Variants in MEIS2 observed in about 807,000 individuals in gnomAD.
The protein encoded by MEIS2 is Meis homeobox 2, also known as homeobox protein Meis2.
In MEIS2, 9 loss-of-function variants were observed where a neutral mutation model predicts 58.6. The ratio of observed to expected loss-of-function variants is 0.15; its 90% CI spans 0.09 to 0.27. The LOEUF (loss-of-function observed/expected upper bound fraction) is 0.27, where lower values mean the gene tolerates loss of function less well. Ranked by LOEUF, MEIS2 falls within the 10% of genes least tolerant of loss-of-function variation. MEIS2 has a pLI of 1.00. For synonymous variants in MEIS2, 221 were observed against 228.4 expected (o/e 0.97, Z 0.29); for missense variants, 427 against 635.0 (o/e 0.67, Z 3.52).
chr15:37,045,032 C>T (rs1251329565), intron 7 of MEIS2, among the ~76,000 whole-genome samples: 1 of 152,194 alleles, frequency 6.6e-6, no homozygotes, highest in Non-Finnish European at 1.5e-5. Context: ...TCCCTCCACT[C>T]TCCCTGCCCT....
At chr15:37,005,963 A>G (rs1037853389) in intron 8 of MEIS2, among the ~76,000 whole-genome samples, 4 of 152,234 alleles carry the variant, frequency 2.6e-5, no homozygotes, top group African/African-American at 7.2e-5. Context: ...TGAATCTATT[A>G]CACATCTCTC....
chr15:36,996,001 A>ATATATGTGTG (rs1555446465), intron 8 of MEIS2, among the ~76,000 whole-genome samples: 20 of 102,890 alleles, frequency 1.9e-4, no homozygotes, highest in African/African-American at 6.5e-4. Context: ...ATATATATAT[A>ATATATGTGTG]TGTATATATA....
At chr15:36,918,235 AG>A (rs2057360062) in intron 9 of MEIS2, among the ~76,000 whole-genome samples, 1 of 152,222 alleles carries the variant, frequency 6.6e-6, no homozygotes, top group Non-Finnish European at 1.5e-5. Flanking sequence ...GTGTGATGAA[AG>A]AGGCAGCACA....
At chr15:36,901,124 G>A (rs2056448529) in intron 9 of MEIS2, 1 of 152,220 alleles carries the variant, frequency 6.6e-6, no homozygotes, top group South Asian at 2.1e-4. Context: ...AGATCAACTG[G>A]GGAAAGGCGT....
chr15:36,941,542 C>T (rs2058375162), intron 9 of MEIS2, among the ~76,000 whole-genome samples: 1 of 152,048 alleles, frequency 6.6e-6, no homozygotes, highest in Non-Finnish European at 1.5e-5. Flanking sequence ...TTTAGAAAAC[C>T]ATGTGCAGAG....
intron 8 of MEIS2, among the ~76,000 whole-genome samples, chr15:37,028,115 T>C (rs1183944892): frequency 1.3e-5 from 2 of 152,228 alleles, no homozygotes; most frequent in African/African-American, 4.8e-5. Flanking sequence ...TTAAAATGTA[T>C]CTGCCAGTTA....
At chr15:36,923,845 C>G (rs1404761791) in intron 9 of MEIS2, among the ~76,000 whole-genome samples, 1 of 152,184 alleles carries the variant, frequency 6.6e-6, no homozygotes, top group Admixed American at 6.5e-5. Flanking sequence ...AACAGCAAGC[C>G]ATGCCATGTC....
intron 11 of MEIS2, among the ~76,000 whole-genome samples, chr15:36,893,751 T>C (rs568080385): frequency 8.3e-4 from 127 of 152,318 alleles, no homozygotes; most frequent in South Asian, 1.5e-3. Flanking sequence ...TTGACTGCAT[T>C]AGTAAAGGAA....
At chr15:37,082,559 T>G (rs1158644829) in intron 7 of MEIS2, among the ~76,000 whole-genome samples, 3 of 152,162 alleles carry the variant, frequency 2.0e-5, no homozygotes, top group African/African-American at 7.2e-5. Context: ...ATAATTTACT[T>G]ATCTTTTATA....
chr15:36,938,723 CA>C (rs1227621433), intron 9 of MEIS2, among the ~76,000 whole-genome samples: 2 of 152,106 alleles, frequency 1.3e-5, no homozygotes, highest in Admixed American at 1.3e-4. Context: ...GGCTTAGAAT[CA>C]TAAAATATTA....
In MEIS2 at chr15:36,919,098, G is replaced by A. The variant is rs549120852; in HGVS notation, c.978-22412C>T. Among the ~76,000 whole-genome samples, 44 of 152,080 alleles carry A rather than the reference G, an allele frequency of 2.9e-4. No homozygotes were observed. The South Asian group carries it at 8.7e-3, about 30-fold the overall frequency. ...TGCAGACTGAGGTGGGAAAAATCAC[G>A]TGATCCTAGGAGTTTGAGGCTGCAG... On this transcript the variant is annotated intron_variant, in intron 9 of 11. Transcript: ENST00000561208.
Position 37,083,830 on chromosome 15 carries a change from G to A in MEIS2, c.695C>T (p.Thr232Ile). ...ATGGCCCCCACTGGAGGGCCCTGGGGTGCCTGCTGAGTGGGTTGAGGTTGC... is the reference window on the plus strand; with the variant it reads ...ATGGCCCCCACTGGAGGGCCCTGGGATGCCTGCTGAGTGGGTTGAGGTTGC... ...DDATSTHSAGTPGPSSGGHAS... is the reference protein window; with the variant it reads ...DDATSTHSAGIPGPSSGGHAS... Residue 232 changes from threonine to isoleucine, a missense_variant, in exon 7 of 12, where the codon ACC becomes ATC. Thr to Ile is a moderately conservative substitution (Grantham distance 89). Coordinates refer to ENST00000561208, the MANE Select transcript of MEIS2 (RefSeq NM_170675.5). The A allele has an allele frequency of 6.2e-7, 1 of 1,614,072 alleles. No homozygotes were observed. The highest frequency in any genetic ancestry group is 8.5e-7 in the Non-Finnish European group (1 of 1,179,978).
chr15:36,966,769 C>T (rs1260383400), intron 8 of MEIS2, among the ~76,000 whole-genome samples: 1 of 152,082 alleles, frequency 6.6e-6, no homozygotes, highest in Non-Finnish European at 1.5e-5. Flanking sequence ...TGAAGACAAA[C>T]AAGGCACTAT....
chr15:36,932,212 T>A (rs546416272), intron 9 of MEIS2, among the ~76,000 whole-genome samples: 1 of 152,336 alleles, frequency 6.6e-6, no homozygotes, highest in East Asian at 1.9e-4. Flanking sequence ...TGTTGGGTGG[T>A]GCCATTCAAT....
chr15:37,053,957 A>C (rs2063028804), intron 7 of MEIS2, among the ~76,000 whole-genome samples: 1 of 152,214 alleles, frequency 6.6e-6, no homozygotes, highest in East Asian at 1.9e-4. Flanking sequence ...TGATTACCAC[A>C]ACCAAGTGTA....
At chr15:36,986,392 C>T (rs1486715529) in intron 8 of MEIS2, among the ~76,000 whole-genome samples, 1 of 152,186 alleles carries the variant, frequency 6.6e-6, no homozygotes, top group Non-Finnish European at 1.5e-5. Flanking sequence ...TTAGGGAGCA[C>T]TAGAGGAAGA....
chr15:37,005,988 T>C (rs901532474), intron 8 of MEIS2, among the ~76,000 whole-genome samples: 1 of 152,162 alleles, frequency 6.6e-6, no homozygotes, highest in Non-Finnish European at 1.5e-5. Context: ...AAATGGGGGG[T>C]TCTGTAAAGC....
At chr15:37,043,629 T>C (rs1378695722) in intron 7 of MEIS2, among the ~76,000 whole-genome samples, 1 of 152,020 alleles carries the variant, frequency 6.6e-6, no homozygotes, top group African/African-American at 2.4e-5. Flanking sequence ...TTTCTATAGT[T>C]CGTAGGTGTT....
At chr15:36,929,693 C>A (rs1482776264) in intron 9 of MEIS2, among the ~76,000 whole-genome samples, 1 of 152,184 alleles carries the variant, frequency 6.6e-6, no homozygotes, top group Non-Finnish European at 1.5e-5. Context: ...GGCACCATGG[C>A]AGGTATTTAT....
Sources: allele counts gnomAD v4.1 joint callset (sites outside exome capture counted in the v4.1 genomes callset), GRCh38; gene constraint gnomAD v4.1.1; transcripts MANE v1.5; gene names NCBI Gene and HGNC (gene_info 2026-07-23, HGNC 2026-07-21).